Variants in ACBD3 observed in about 807,000 individuals in gnomAD.
The protein encoded by ACBD3 is Golgi resident protein GCP60.
A neutral mutation model predicts 66.9 loss-of-function variants in ACBD3; 30 were observed. That is an observed-to-expected ratio of 0.45 (90% CI 0.34 to 0.61). The LOEUF (loss-of-function observed/expected upper bound fraction) is 0.61, where lower values mean the gene tolerates loss of function less well. ACBD3 is among the 20% of genes least tolerant of loss of function. The pLI is 0.02. For missense variants in ACBD3, 544 were observed against 664.5 expected, an observed-to-expected ratio of 0.82 and a Z score of 1.99; for synonymous variants, 278 against 259.8, an observed-to-expected ratio of 1.07 and a Z score of -0.68.
chr1:226,154,472 A>T, intron 6 of ACBD3, 175 bp downstream of exon 6: 1 of 611,640 alleles, frequency 1.6e-6, no homozygotes, highest in Non-Finnish European at 2.7e-6. Context: ...TTGCTCTTCT[A>T]CACTGGTCTA....
At chr1:226,151,418 C>T (rs567603493) in intron 7 of ACBD3, among the ~76,000 whole-genome samples, 1 of 152,254 alleles carries the variant, frequency 6.6e-6, no homozygotes, top group African/African-American at 2.4e-5. Context: ...AATAAAGAGA[C>T]CCTCTTCTCA....
chr1:226,180,144 C>T (rs1656138856), intron 1 of ACBD3, among the ~76,000 whole-genome samples: 1 of 147,868 alleles, frequency 6.8e-6, no homozygotes, highest in African/African-American at 2.5e-5. Context: ...CCACTCCAGC[C>T]TGGGCAACAG....
intron 1 of ACBD3, among the ~76,000 whole-genome samples, chr1:226,181,354 C>T (rs1055069548): frequency 2.6e-5 from 4 of 152,158 alleles, no homozygotes; most frequent in African/African-American, 4.8e-5. Flanking sequence ...TTTATAAATG[C>T]TCTTGTAGTT....
chr1:226,162,495 G>A lies in ACBD3; in HGVS notation c.570-806C>T, dbSNP rs940594712. Reference sequence around the variant, plus strand: ...TAAAGCTTTTAATTTAAAAAAGAACGGTTAACCTCTCAGGGCAGCCCTTGC... The same window carrying A: ...TAAAGCTTTTAATTTAAAAAAGAACAGTTAACCTCTCAGGGCAGCCCTTGC... On this transcript the variant is annotated intron_variant, in intron 3 of 7. Coordinates refer to ENST00000366812, the MANE Select transcript of ACBD3 (RefSeq NM_022735.4). 2.0e-5 allele frequency among the ~76,000 whole-genome samples: 3 copies of A among 151,984 alleles called. No homozygotes were observed. In the South Asian group the frequency reaches 6.2e-4, roughly 32 times the overall value.
In ACBD3 at chr1:226,186,446, T is replaced by C; in HGVS notation, c.230A>G (p.Gln77Arg). Residue 77 changes from glutamine to arginine, a missense_variant, in exon 1 of 8, where the codon CAG (glutamine) becomes CGG (arginine). Gln to Arg is a conservative substitution (Grantham distance 43). Transcript: ENST00000366812. ...CTCCTCCAGGCCGAAACCCCAGCGC[T>C]GCTCCAGCCGCCGCGCCTCCTCCGC... ...GAAEEARRLEQRWGFGLEELY... is the reference protein window; with the variant it reads ...GAAEEARRLERRWGFGLEELY... 1 of 1,510,014 alleles carries C rather than the reference T, an allele frequency of 6.6e-7. No individual in the cohort carries two copies. Among genetic ancestry groups the C allele is most frequent in the Non-Finnish European group, 8.8e-7 (1 of 1,131,876 alleles). 93.5% of individuals were successfully genotyped at this position (1,510,014 alleles called of 1,614,324 possible). A position where few individuals can be genotyped will look rare whatever the true frequency, so the allele number is the denominator to read the frequency against.
At chr1:226,156,468 CAAAT>C (rs891476284) in intron 5 of ACBD3, among the ~76,000 whole-genome samples, 2 of 152,006 alleles carry the variant, frequency 1.3e-5, no homozygotes, top group African/African-American at 4.8e-5. Context: ...AACACTGTCA[CAAAT>C]AAGCAAGTAC....
At chr1:226,176,885 A>T (rs548326583) in intron 1 of ACBD3, among the ~76,000 whole-genome samples, 1 of 152,334 alleles carries the variant, frequency 6.6e-6, no homozygotes, top group East Asian at 1.9e-4. Context: ...CAGTAAATTT[A>T]AAAAAACAGT....
intron 1 of ACBD3, among the ~76,000 whole-genome samples, chr1:226,172,195 C>A: frequency 9.7e-6 from 1 of 102,568 alleles, no homozygotes; most frequent in East Asian, 3.6e-4. Context: ...CAGTGCTAGT[C>A]CTGGTCAGGC....
intron 1 of ACBD3, among the ~76,000 whole-genome samples, chr1:226,172,590 C>T (rs545238035): frequency 6.6e-6 from 1 of 152,176 alleles, no homozygotes; most frequent in South Asian, 2.1e-4. Context: ...AATCTTACTA[C>T]TGAATCTCCA....
chr1:226,154,231 T>C (rs1659628572), intron 6 of ACBD3, among the ~76,000 whole-genome samples: 1 of 152,110 alleles, frequency 6.6e-6, no homozygotes, highest in South Asian at 2.1e-4. Context: ...GTTTGTTTTT[T>C]TTTTGAGAGA....
intron 5 of ACBD3, among the ~76,000 whole-genome samples, chr1:226,156,360 G>C (rs1659670821): frequency 6.6e-6 from 1 of 152,026 alleles, no homozygotes; most frequent in African/African-American, 2.4e-5. Context: ...GTATTTTGTT[G>C]TTTGCATTAC....
chr1:226,161,805 T>C, intron 3 of ACBD3, 116 bp from the exon 4 acceptor site: 1 of 1,229,196 alleles, frequency 8.1e-7, no homozygotes, highest in Admixed American at 3.1e-5. Context: ...GATATATACA[T>C]CAAAATTTAA....
intron 1 of ACBD3, among the ~76,000 whole-genome samples, chr1:226,183,007 A>G (rs764068632): frequency 2.6e-5 from 4 of 152,244 alleles, no homozygotes; most frequent in Non-Finnish European, 4.4e-5. Flanking sequence ...AATTAAGAAT[A>G]GTTGACGTAA....
intron 7 of ACBD3, among the ~76,000 whole-genome samples, chr1:226,150,673 G>A (rs376247352): frequency 3.9e-5 from 6 of 152,134 alleles, no homozygotes; most frequent in African/African-American, 7.2e-5. Context: ...CACCGCGTCC[G>A]GCCCAGGCTT....
At position 226,164,943 on chromosome 1, in the gene ACBD3, C is replaced by G; in HGVS notation, c.429-14G>C. On this transcript the variant is annotated splice_polypyrimidine_tract_variant and intron_variant, in intron 2 of 7. Coordinates refer to ENST00000366812, the MANE Select transcript of ACBD3 (RefSeq NM_022735.4). ...GCCCATTCTCTCCTGTAAGGAATAA[C>G]AAGAAAAGTTACCTCCCCTTCTTAG... 1.3e-6 allele frequency: 2 copies of G among 1,530,148 alleles called. No individual in the cohort carries two copies. Among genetic ancestry groups the G allele is most frequent in the Non-Finnish European group, 1.8e-6 (2 of 1,140,128 alleles). 94.8% of individuals were successfully genotyped at this position (1,530,148 alleles called of 1,614,324 possible).
At chr1:226,162,304 G>T (rs1383330885) in intron 3 of ACBD3, among the ~76,000 whole-genome samples, 1 of 152,052 alleles carries the variant, frequency 6.6e-6, no homozygotes, top group African/African-American at 2.4e-5. Context: ...AAAAGATCTG[G>T]AAGGACATAC....
chr1:226,153,070 A>G (rs1262469025), intron 6 of ACBD3, among the ~76,000 whole-genome samples: 1 of 152,176 alleles, frequency 6.6e-6, no homozygotes, highest in Non-Finnish European at 1.5e-5. Flanking sequence ...AACTATCCCA[A>G]AGTTCTAGGG....
chr1:226,175,064 G>A (rs1181081399), intron 1 of ACBD3, among the ~76,000 whole-genome samples: 1 of 126,264 alleles, frequency 7.9e-6, no homozygotes, highest in Non-Finnish European at 1.6e-5. Context: ...CTGTGTTCCA[G>A]CCTGACAAAA....
Position 226,186,706 on chromosome 1 carries a change from A to T in ACBD3, c.-31T>A, listed in dbSNP as rs151203444. On this transcript the variant is annotated 5_prime_UTR_variant, in exon 1 of 8. Coordinates refer to ENST00000366812, the MANE Select transcript of ACBD3 (RefSeq NM_022735.4). ...GCTGCTGCACCTCCTCAGCGGGGACAGACGGCAGCCACGTATCGACTTCCT... is the reference window on the plus strand; with the variant it reads ...GCTGCTGCACCTCCTCAGCGGGGACTGACGGCAGCCACGTATCGACTTCCT... 1,926 of 1,452,862 alleles carry T rather than the reference A, an allele frequency of 1.3e-3. 3 individuals carry two copies. The highest frequency in any genetic ancestry group is 1.7e-3 in the Non-Finnish European group (1,828 of 1,107,366). The allele number at this position is 1,452,862 out of a possible 1,614,324, so 90.0% of individuals were successfully genotyped here. A position where few individuals can be genotyped will look rare whatever the true frequency, so the allele number is the denominator to read the frequency against.
Sources: gnomAD v4.1 joint callset for allele counts (sites outside exome capture counted in the v4.1 genomes callset) on GRCh38, gnomAD v4.1.1 for gene constraint, MANE v1.5 for transcripts, NCBI Gene and HGNC (gene_info 2026-07-23, HGNC 2026-07-21) for gene names.